The following EPB41L5 variants were observed in gnomAD, a reference collection of about 807,000 sequenced individuals.
EPB41L5 encodes band 4.1-like protein 5.
In EPB41L5, 55 loss-of-function variants were observed where a neutral mutation model predicts 106.6. The ratio of observed to expected loss-of-function variants is 0.52; its 90% CI spans 0.42 to 0.65. The LOEUF (loss-of-function observed/expected upper bound fraction) is 0.65, where lower values mean the gene tolerates loss of function less well. EPB41L5 is among the 30% of genes least tolerant of loss of function. The pLI is 0.00. For synonymous variants in EPB41L5, 297 were observed against 306.7 expected, an observed-to-expected ratio of 0.97 and a Z score of 0.33; for missense variants, 871 against 882.1, an observed-to-expected ratio of 0.99 and a Z score of 0.16.
At chr2:120,057,033 G>A (rs1178335636) in intron 3 of EPB41L5, among the ~76,000 whole-genome samples, 1 of 152,074 alleles carries the variant, frequency 6.6e-6, no homozygotes, top group East Asian at 1.9e-4. Flanking sequence ...AGTAGTGGGG[G>A]CTATAGGCAC....
intron 5 of EPB41L5, among the ~76,000 whole-genome samples, chr2:120,074,991 G>A (rs1682129493): frequency 1.3e-5 from 2 of 152,084 alleles, no homozygotes; most frequent in Admixed American, 6.5e-5. Context: ...CACACCCCCA[G>A]CCAATTTGCG....
chr2:120,143,543 A>G (rs1686274173), intron 19 of EPB41L5, among the ~76,000 whole-genome samples: 1 of 152,138 alleles, frequency 6.6e-6, no homozygotes, highest in Non-Finnish European at 1.5e-5. Flanking sequence ...ACTAGCTTCC[A>G]TGAGAGATGC....
intron 22 of EPB41L5, 81 bp downstream of exon 22, chr2:120,164,991 T>G: frequency 2.8e-6 from 3 of 1,070,750 alleles, no homozygotes; most frequent in Non-Finnish European, 4.1e-6. Context: ...TTTTTTCCTT[T>G]TTAATAATTC....
At chr2:120,069,843 A>G (rs960325060) in intron 3 of EPB41L5, among the ~76,000 whole-genome samples, 6 of 152,230 alleles carry the variant, frequency 3.9e-5, no homozygotes, top group Admixed American at 1.3e-4. Context: ...TTATAGCACT[A>G]AATGCCCACA....
intron 16 of EPB41L5, chr2:120,104,139 C>T (rs1445068761): frequency 6.5e-7 from 1 of 1,536,034 alleles, no homozygotes. Context: ...CCAGACCGCA[C>T]ATAGAAACTA....
Position 120,174,923 on chromosome 2 carries a change from A to C in EPB41L5, c.*16A>C. On this transcript the variant is annotated 3_prime_UTR_variant, in exon 25 of 25. Transcript: ENST00000263713. ...TGAGCTCTGAGGGCCTGTAGCTGGA[A>C]TACGCATCTCTCCAGCATTCCGTCC... The C allele has an allele frequency of 6.2e-7, 1 of 1,609,816 alleles. No individual in the cohort carries two copies.
intron 20 of EPB41L5, among the ~76,000 whole-genome samples, chr2:120,147,210 C>T (rs986480786): frequency 1.3e-5 from 2 of 152,110 alleles, no homozygotes; most frequent in African/African-American, 4.8e-5. Context: ...ATTAGCCGAG[C>T]ATGGTGATCC....
intron 6 of EPB41L5, 62 bp from the exon 7 acceptor site, chr2:120,075,639 A>C (rs1682177179): frequency 6.8e-6 from 10 of 1,472,456 alleles, no homozygotes; most frequent in Non-Finnish European, 9.5e-6. Context: ...TATTATTTTC[A>C]TTTGTCTTAA....
chr2:120,066,128 A>G (rs1681428587), intron 3 of EPB41L5, among the ~76,000 whole-genome samples: 1 of 152,268 alleles, frequency 6.6e-6, no homozygotes, highest in Non-Finnish European at 1.5e-5. Context: ...ATAGTTTTTA[A>G]TATTACTAAA....
At chr2:120,114,212 G>A (rs544254207) in intron 16 of EPB41L5, among the ~76,000 whole-genome samples, 11 of 152,264 alleles carry the variant, frequency 7.2e-5, no homozygotes, top group Admixed American at 1.3e-4. Context: ...GGTATATTTT[G>A]ATCTGCTTAT....
At chr2:120,158,938 A>G (rs1687016546) in intron 20 of EPB41L5, among the ~76,000 whole-genome samples, 1 of 152,192 alleles carries the variant, frequency 6.6e-6, no homozygotes, top group Admixed American at 6.5e-5. Context: ...ATTCCTATAC[A>G]CCAACAATAG....
chr2:120,045,243 C>T (rs1046539656), intron 3 of EPB41L5, among the ~76,000 whole-genome samples: 24 of 152,124 alleles, frequency 1.6e-4, no homozygotes, highest in African/African-American at 4.6e-4. Context: ...ATTAGTAAAT[C>T]GATGAAGCCA....
intron 2 of EPB41L5, among the ~76,000 whole-genome samples, chr2:120,039,108 C>T (rs1297792757): frequency 6.6e-6 from 1 of 151,936 alleles, no homozygotes; most frequent in Non-Finnish European, 1.5e-5. Context: ...ATGTGAGATA[C>T]ATGGAATAGG....
At chr2:120,164,300 T>C (rs1002132779) in intron 21 of EPB41L5, among the ~76,000 whole-genome samples, 3 of 152,138 alleles carry the variant, frequency 2.0e-5, no homozygotes, top group Admixed American at 6.5e-5. Context: ...CTGCAGCCTC[T>C]GTCTCCTGGG....
rs1385917000 is a variant in EPB41L5, at chr2:120,166,679, GC to G, written c.1963-784del. ...TCTTGATCTCTTGACCTCATGATCT[GC>G]CCACCTCGCCCTCTCAAAATGCTGG... On this transcript the variant is annotated intron_variant, in intron 22 of 24. Coordinates refer to ENST00000263713, the MANE Select transcript of EPB41L5 (RefSeq NM_020909.4). 1.1e-4 allele frequency among the ~76,000 whole-genome samples: 17 copies of G among 152,306 alleles called. No individual in the cohort carries two copies. The East Asian group carries it at 3.1e-3, about 28-fold the overall frequency.
intron 14 of EPB41L5, among the ~76,000 whole-genome samples, chr2:120,096,750 A>G (rs1050518166): frequency 6.6e-6 from 1 of 152,218 alleles, no homozygotes; most frequent in African/African-American, 2.4e-5. Flanking sequence ...AGACTGCGCC[A>G]CTGCACTCTA....
intron 2 of EPB41L5, among the ~76,000 whole-genome samples, chr2:120,021,360 T>C (rs1019768582): frequency 6.8e-6 from 1 of 146,506 alleles, no homozygotes; most frequent in African/African-American, 2.6e-5. Context: ...AAAGGAACAA[T>C]TGGGCCAGGT....
Position 120,146,717 on chromosome 2 carries a change from C to T in EPB41L5, c.1793+428C>T, listed in dbSNP as rs556419848. Among the ~76,000 whole-genome samples the T allele has an allele frequency of 2.0e-5, 3 of 152,332 alleles. No homozygotes were observed. In the East Asian group the frequency reaches 5.8e-4, roughly 29 times the overall value. ...TCCAAGTCTCTTCTGCCCTTGCTCC[C>T]TTTAATGAGTATTTTGGCATTTATT... On this transcript the variant is annotated intron_variant, in intron 20 of 24. Coordinates refer to ENST00000263713, the MANE Select transcript of EPB41L5 (RefSeq NM_020909.4).
At chr2:120,078,154 G>C (rs72841605) in intron 9 of EPB41L5, among the ~76,000 whole-genome samples, 2 of 152,084 alleles carry the variant, frequency 1.3e-5, no homozygotes, top group East Asian at 3.9e-4. Flanking sequence ...GAGCCAAACC[G>C]TATCAGCAGT....
Sources: gnomAD v4.1 joint callset for allele counts (sites outside exome capture counted in the v4.1 genomes callset) on GRCh38, gnomAD v4.1.1 for gene constraint, MANE v1.5 for transcripts, NCBI Gene and HGNC (gene_info 2026-07-23, HGNC 2026-07-21) for gene names.